The following PRDM11 variants were observed in gnomAD, a reference collection of about 807,000 sequenced individuals.
PRDM11 encodes PR domain-containing protein 11.
PRDM11 carries 20 observed loss-of-function variants against 97.8 expected under a neutral mutation model. The ratio of observed to expected loss-of-function variants is 0.20; its 90% CI spans 0.14 to 0.30. PRDM11 has a LOEUF of 0.30. PRDM11 is among the 10% of genes least tolerant of loss of function. The pLI is 1.00. For synonymous variants in PRDM11, 599 were observed against 637.7 expected, an observed-to-expected ratio of 0.94 and a Z score of 0.91; for missense variants, 1,139 against 1,555.2, an observed-to-expected ratio of 0.73 and a Z score of 4.50.
At chr11:45,215,349 C>A (rs1205958719) in intron 5 of PRDM11, among the ~76,000 whole-genome samples, 2 of 152,220 alleles carry the variant, frequency 1.3e-5, no homozygotes, top group Non-Finnish European at 2.9e-5. Context: ...GATCCCCTTT[C>A]TAGAAGGTTC....
chr11:45,165,465 G>A (rs1852040428), intron 1 of PRDM11, among the ~76,000 whole-genome samples: 1 of 152,220 alleles, frequency 6.6e-6, no homozygotes, highest in Admixed American at 6.5e-5. Flanking sequence ...GTTCTCAGGG[G>A]GTGGCATCTG....
In PRDM11 at chr11:45,204,755, C is replaced by T. The variant is rs139321801; in HGVS notation, c.531C>T (p.Asp177=). Residue 177 remains aspartate (D), a synonymous_variant, in exon 5 of 8, where the codon GAC becomes GAT. Coordinates refer to ENST00000683152, the MANE Select transcript of PRDM11 (RefSeq NM_001384648.1). ...NNRYKSIDGS[D]ETKANWMRYV... Reference sequence around the variant, plus strand: ...GCTATAAGTCCATAGATGGCTCAGACGAGACCAAAGCCAACTGGATGAGGT... The same window carrying T: ...GCTATAAGTCCATAGATGGCTCAGATGAGACCAAAGCCAACTGGATGAGGT... 2.8e-5 allele frequency: 45 copies of T among 1,612,790 alleles called. No homozygotes were observed. The highest frequency in any genetic ancestry group is 1.3e-4 in the East Asian group (6 of 44,892).
intron 5 of PRDM11, chr11:45,212,939 C>T (rs955177084): frequency 5.0e-6 from 2 of 399,508 alleles, no homozygotes; most frequent in Admixed American, 2.7e-5. Flanking sequence ...CTCCACTCCC[C>T]AGGCCACCCA....
At chr11:45,199,422 T>C (rs1194489294) in intron 4 of PRDM11, among the ~76,000 whole-genome samples, 1 of 152,216 alleles carries the variant, frequency 6.6e-6, no homozygotes, top group Non-Finnish European at 1.5e-5. Context: ...CTAACCATCC[T>C]GTCCCCACGA....
intron 4 of PRDM11, among the ~76,000 whole-genome samples, chr11:45,189,285 A>G (rs946359837): frequency 6.6e-6 from 1 of 152,234 alleles, no homozygotes; most frequent in Non-Finnish European, 1.5e-5. Context: ...CAGTATACAT[A>G]AAATATACCA....
intron 1 of PRDM11, among the ~76,000 whole-genome samples, chr11:45,176,767 G>A (rs946954941): frequency 6.6e-6 from 1 of 152,114 alleles, no homozygotes; most frequent in Non-Finnish European, 1.5e-5. Flanking sequence ...TTCTCTATAG[G>A]CATGCTTGCT....
At position 45,151,942 on chromosome 11, in the gene PRDM11, C is replaced by T. The variant is rs531030455; in HGVS notation, c.-7+5065C>T. 1.1e-4 allele frequency among the ~76,000 whole-genome samples: 16 copies of T among 152,280 alleles called. No individual in the cohort carries two copies. In the South Asian group the frequency reaches 2.7e-3, roughly 26 times the overall value. On this transcript the variant is annotated intron_variant, in intron 1 of 7. Coordinates refer to ENST00000683152, the MANE Select transcript of PRDM11 (RefSeq NM_001384648.1). Reference sequence around the variant, plus strand: ...AATAACAATAATAGTATGAGTAACACTAATCCTGGTCCTCGGCATTGGTTG... The same window carrying T: ...AATAACAATAATAGTATGAGTAACATTAATCCTGGTCCTCGGCATTGGTTG...
At position 45,226,330 on chromosome 11, in the gene PRDM11, T is replaced by C. The variant is rs1169541003; in HGVS notation, c.1705T>C (p.Cys569Arg). 2 of 1,533,906 alleles carry C rather than the reference T, an allele frequency of 1.3e-6. No homozygotes were observed. Residue 569 changes from cysteine to arginine, a missense_variant, in exon 8 of 8, where the codon TGC becomes CGC. Cys to Arg is a radical substitution (Grantham distance 180). Transcript: ENST00000683152. The part of the protein sequence containing the change: ...LHSQSNLHKK[C>R]LQLYKLRMHP... Reference sequence around the variant, plus strand: ...CAGCCAGAGCAACCTGCACAAGAAGTGCCTGCAACTGTACAAGCTCCGCAT... The same window carrying C: ...CAGCCAGAGCAACCTGCACAAGAAGCGCCTGCAACTGTACAAGCTCCGCAT...
intron 4 of PRDM11, among the ~76,000 whole-genome samples, chr11:45,192,136 A>G (rs763379020): frequency 1.1e-4 from 17 of 152,158 alleles, no homozygotes; most frequent in Non-Finnish European, 1.6e-4. Flanking sequence ...AACTGAGGGA[A>G]CGCAGCATAG....
chr11:45,144,014 C>G (rs1313109676), upstream of PRDM11, among the ~76,000 whole-genome samples: 1 of 152,160 alleles, frequency 6.6e-6, no homozygotes, highest in Non-Finnish European at 1.5e-5. Context: ...GGTCTGGGAC[C>G]ACTTTCTGCC....
In PRDM11 at chr11:45,135,128, ACTCTCTCTCTCT is replaced by A. The variant is rs58588988; in HGVS notation, c.96+39239_96+39250del. Among the ~76,000 whole-genome samples, 329 of 148,928 alleles carry A rather than the reference ACTCTCTCTCTCT, an allele frequency of 2.2e-3. 1 individual carries two copies. The highest frequency in any genetic ancestry group is 4.0e-3 in the Non-Finnish European group (265 of 67,046). On this transcript the variant is annotated intron_variant, in intron 1 of 6. Coordinates refer to the PRDM11 transcript ENST00000530656. ...AAAAGAAGAATCCAATTTTAATTAT[ACTCTCTCTCTCT>A]CTCTCTCTCTCCTACTAAAATAGGA...
chr11:45,224,872 G>A (rs761216453), intron 7 of PRDM11, 29 bp downstream of exon 7: 81 of 1,609,334 alleles, frequency 5.0e-5, no homozygotes, highest in African/African-American at 1.9e-4. Flanking sequence ...GATTATTGTC[G>A]GAGGGCAGAG....
chr11:45,119,619 CAAAAAAAAAAAAAAAA>C lies in PRDM11; in HGVS notation c.96+23733_96+23748del, dbSNP rs56367204. On this transcript the variant is annotated intron_variant, in intron 1 of 6. Transcript: ENST00000530656. The stretch of plus-strand genomic sequence containing the variant: ...CCTGGGTGACAGCGAGATTCTGTCT[CAAAAAAAAAAAAAAAA>C]AAAAAAAAAAAAAACACCTGGTAAG... Among the ~76,000 whole-genome samples the C allele has an allele frequency of 1.2e-4, 5 of 43,062 alleles. No individual in the cohort carries two copies. The South Asian group carries it at 3.6e-3, about 31-fold the overall frequency. The allele number at this position is 43,062 out of a possible 152,430, so 28.3% of individuals were successfully genotyped here.
chr11:45,227,450 A>C lies in PRDM11; in HGVS notation c.2825A>C (p.Asn942Thr). Residue 942 changes from asparagine (N) to threonine (T), a missense_variant, in exon 8 of 8, where the codon AAC becomes ACC. By Grantham distance (65) the Asn-to-Thr change is moderately conservative (BLOSUM62 0). This residue lies in a region of PRDM11 where 710 missense variants were observed against 1,044.9 expected (regional missense o/e 0.68). Transcript: ENST00000683152. The surrounding 1 kb of genome is among the most constrained non-coding windows in gnomAD (Gnocchi z 8.0). ...EFEENFRESF[N>T]GIAMKNLRVA... ...GAGGAGAATTTCCGAGAGAGCTTCAACGGGATCGCCATGAAGAACCTCAGG... is the reference window on the plus strand; with the variant it reads ...GAGGAGAATTTCCGAGAGAGCTTCACCGGGATCGCCATGAAGAACCTCAGG... 3 of 1,533,852 alleles carry C rather than the reference A, an allele frequency of 2.0e-6. No homozygotes were observed. Among genetic ancestry groups the C allele is most frequent in the Non-Finnish European group, 2.6e-6 (3 of 1,146,724 alleles).
In PRDM11 at chr11:45,207,539, C is replaced by T. The variant is rs200555585; in HGVS notation, c.554+2761C>T. Among the ~76,000 whole-genome samples the T allele has an allele frequency of 1.4e-4, 22 of 152,246 alleles. 1 individual carries two copies. Among genetic ancestry groups the T allele is most frequent in the East Asian group, 5.8e-4 (3 of 5,166 alleles). ...TACACAGGACACCCCTTCCCCCCAA[C>T]GAAAAATTTTCTAGCCCCAACTGCC... On this transcript the variant is annotated intron_variant, in intron 5 of 7. Transcript: ENST00000683152.
chr11:45,173,399 A>G (rs1852249469), intron 1 of PRDM11, among the ~76,000 whole-genome samples: 1 of 152,148 alleles, frequency 6.6e-6, no homozygotes, highest in South Asian at 2.1e-4. Context: ...AGGCAGGTGA[A>G]TCACCTGAGG....
intron 1 of PRDM11, among the ~76,000 whole-genome samples, chr11:45,123,770 A>C (rs796417776): frequency 6.6e-6 from 1 of 151,990 alleles, no homozygotes; most frequent in African/African-American, 2.4e-5. Context: ...GTTTGAAGTC[A>C]GGTAGCGTGA....
intron 1 of PRDM11, among the ~76,000 whole-genome samples, chr11:45,120,223 A>C (rs1197896583): frequency 6.6e-6 from 1 of 152,228 alleles, no homozygotes; most frequent in Non-Finnish European, 1.5e-5. Flanking sequence ...AGAACAGAGC[A>C]TAAAGGCATG....
At chr11:45,113,665 T>G (rs931128756) in intron 1 of PRDM11, among the ~76,000 whole-genome samples, 1 of 152,120 alleles carries the variant, frequency 6.6e-6, no homozygotes, top group Non-Finnish European at 1.5e-5. Context: ...ATCTTTCACC[T>G]CTTTGGTTAA....
Sources: gnomAD v4.1 joint callset for allele counts (sites outside exome capture counted in the v4.1 genomes callset) on GRCh38, gnomAD v4.1.1 for gene constraint, gnomAD v4.1.1 regional missense constraint, Gnocchi (gnomAD v3.1) non-coding constraint, MANE v1.5 for transcripts, NCBI Gene and HGNC (gene_info 2026-07-23, HGNC 2026-07-21) for gene names.